Variants in USP8 observed in about 807,000 individuals in gnomAD.
USP8 encodes the protein ubiquitin specific peptidase 8, also known as ubiquitin carboxyl-terminal hydrolase 8.
In USP8, 27 loss-of-function variants were observed where a neutral mutation model predicts 130.0. The observed-to-expected ratio is 0.21, with a 90% CI of 0.15 to 0.29. The LOEUF is 0.29. USP8 is among the 10% of genes least tolerant of loss of function. The pLI is 1.00. For missense variants in USP8, 1,029 were observed against 1,312.2 expected, an observed-to-expected ratio of 0.78 and a Z score of 3.33; for synonymous variants, 392 against 444.1, an observed-to-expected ratio of 0.88 and a Z score of 1.48.
At chr15:50,494,332 A>T in intron 16 of USP8, 52 bp downstream of exon 16, 1 of 1,478,420 alleles carries the variant, frequency 6.8e-7, no homozygotes, top group Non-Finnish European at 9.1e-7. Flanking sequence ...GTTGCTCAGT[A>T]GCACTGTATT....
chr15:50,487,325 A>T (rs1485555941), intron 12 of USP8, among the ~76,000 whole-genome samples: 1 of 152,058 alleles, frequency 6.6e-6, no homozygotes, highest in Non-Finnish European at 1.5e-5. Context: ...AGTGAAACCC[A>T]AAGGAGCTGA....
chr15:50,445,688 A>AAAAATAC (rs2141262007), intron 3 of USP8, among the ~76,000 whole-genome samples: 1 of 151,572 alleles, frequency 6.6e-6, no homozygotes, highest in Non-Finnish European at 1.5e-5. Context: ...CATCTCTACT[A>AAAAATAC]AAAATACGTA....
chr15:50,459,996 C>CCCCTTT (rs567135111), intron 5 of USP8, among the ~76,000 whole-genome samples: 1 of 92,010 alleles, frequency 1.1e-5, no homozygotes, highest in Non-Finnish European at 2.1e-5. Flanking sequence ...CACCCCCCCC[C>CCCCTTT]TTTTTTTTTT....
At chr15:50,496,109 A>ATGAT (rs746762355) in intron 17 of USP8, 25 bp downstream of exon 17, 9 of 1,538,400 alleles carry the variant, frequency 5.9e-6, no homozygotes, top group Middle Eastern at 1.8e-4. Context: ...TAGAGAGAAA[A>ATGAT]TGATTTATTG....
chr15:50,499,784 C>A lies in USP8; in HGVS notation c.*696C>A, dbSNP rs909740054. 6.6e-6 allele frequency: 1 copy of A among 151,882 alleles called. No individual in the cohort carries two copies. 9.4% of individuals were successfully genotyped at this position (151,882 alleles called of 1,614,324 possible). On this transcript the variant is annotated 3_prime_UTR_variant, in exon 20 of 20. Transcript: ENST00000307179. Reference sequence around the variant, plus strand: ...TCTTAATGAGAAAAATAATTTATAACCCTGTGGGTGTTCTGTCTTTAATAT... The same window carrying A: ...TCTTAATGAGAAAAATAATTTATAAACCTGTGGGTGTTCTGTCTTTAATAT...
intron 1 of USP8, among the ~76,000 whole-genome samples, chr15:50,433,564 C>G (rs1482007722): frequency 6.6e-6 from 1 of 152,148 alleles, no homozygotes; most frequent in Non-Finnish European, 1.5e-5. Flanking sequence ...TACTCTTTGT[C>G]TTAGAAAGGA....
chr15:50,473,360 A>T (rs1273422151), intron 8 of USP8, among the ~76,000 whole-genome samples: 1 of 152,182 alleles, frequency 6.6e-6, no homozygotes, highest in African/African-American at 2.4e-5. Context: ...AATAACTAAT[A>T]AAAAGTAAGT....
rs2141316306 is a variant in USP8 at position 50,489,786 on chromosome 15, T to A, written c.1891-15T>A. The A allele has an allele frequency of 6.9e-7, 1 of 1,447,396 alleles. No individual in the cohort carries two copies. 89.7% of individuals were successfully genotyped at this position (1,447,396 alleles called of 1,614,324 possible). On this transcript the variant is annotated splice_polypyrimidine_tract_variant and intron_variant, in intron 12 of 19. Transcript: ENST00000307179. The stretch of plus-strand genomic sequence containing the variant: ...AAAAATTTTTTTTTAATTTTTTTTA[T>A]TTTATTTTAATTAGGCTCAACGAGA...
intron 12 of USP8, among the ~76,000 whole-genome samples, chr15:50,485,095 C>T (rs756687109): frequency 2.0e-5 from 3 of 152,018 alleles, no homozygotes; most frequent in Non-Finnish European, 4.4e-5. Flanking sequence ...AACCAGTGCA[C>T]CTAAAAATGG....
chr15:50,493,331 G>T (rs1414152923), intron 15 of USP8: 3 of 520,490 alleles, frequency 5.8e-6, no homozygotes, highest in African/African-American at 3.8e-5. Flanking sequence ...AAGCATTTTG[G>T]TGTAGGGCTA....
At chr15:50,427,137 C>T (rs1343959831) in intron 1 of USP8, among the ~76,000 whole-genome samples, 1 of 152,048 alleles carries the variant, frequency 6.6e-6, no homozygotes, top group African/African-American at 2.4e-5. Flanking sequence ...TGGGGTTTCA[C>T]CATGTTGGCC....
rs1041607402 is a variant in USP8, at chr15:50,512,650, C to G, written c.*13562C>G. The G allele has an allele frequency of 6.6e-6, 1 of 151,836 alleles. No homozygotes were observed. The highest frequency in any genetic ancestry group is 2.4e-5 in the African/African-American group (1 of 41,320). 9.4% of individuals were successfully genotyped at this position (151,836 alleles called of 1,614,324 possible). Reference sequence around the variant, plus strand: ...ACTAAAAATATTTTTAAAAATTAGCCAGGCATGGTGGTGCACCTGTAATCC... The same window carrying G: ...ACTAAAAATATTTTTAAAAATTAGCGAGGCATGGTGGTGCACCTGTAATCC... On this transcript the variant is annotated 3_prime_UTR_variant, in exon 20 of 20. Transcript: ENST00000307179.
At chr15:50,471,508 A>G in intron 7 of USP8, 125 bp from the exon 8 acceptor site, 1 of 962,422 alleles carries the variant, frequency 1.0e-6, no homozygotes, top group Non-Finnish European at 1.5e-6. Flanking sequence ...CTCACCTTAG[A>G]AAGGAATCTA....
At chr15:50,476,523 A>G (rs11633624) in intron 8 of USP8, among the ~76,000 whole-genome samples, 20,819 of 152,270 alleles carry the variant, frequency 0.14, 1,948 homozygotes, top group Middle Eastern at 0.28. Context: ...AACATCATAA[A>G]GGTTTTATTG....
intron 11 of USP8, among the ~76,000 whole-genome samples, chr15:50,483,565 C>A (rs1377843393): frequency 1.3e-5 from 2 of 152,332 alleles, no homozygotes; most frequent in African/African-American, 4.8e-5. Context: ...GAGGCCTAGA[C>A]GAGCGGATCA....
intron 3 of USP8, among the ~76,000 whole-genome samples, chr15:50,442,650 C>T (rs2050298830): frequency 6.6e-6 from 1 of 152,076 alleles, no homozygotes; most frequent in South Asian, 2.1e-4. Context: ...GAGGCTGAGA[C>T]AGGAGAACCA....
intron 6 of USP8, among the ~76,000 whole-genome samples, chr15:50,464,595 G>A (rs1276190850): frequency 2.0e-5 from 3 of 152,188 alleles, no homozygotes; most frequent in Admixed American, 6.5e-5. Flanking sequence ...GGTGGCTCAC[G>A]CCTGTAATCC....
At chr15:50,458,811 T>C in intron 4 of USP8, among the ~76,000 whole-genome samples, 189 bp from the exon 5 acceptor site, 1 of 152,214 alleles carries the variant, frequency 6.6e-6, no homozygotes, top group Non-Finnish European at 1.5e-5. Context: ...TTCTTTTTAA[T>C]AGTTCTGGGC....
chr15:50,495,777 C>T, intron 16 of USP8, 71 bp from the exon 17 acceptor site: 1 of 1,239,846 alleles, frequency 8.1e-7, no homozygotes, highest in East Asian at 2.5e-5. Flanking sequence ...TGTTTGTATT[C>T]ACTTTTATTC....
Sources: gnomAD v4.1 joint callset for allele counts (sites outside exome capture counted in the v4.1 genomes callset) on GRCh38, gnomAD v4.1.1 for gene constraint, MANE v1.5 for transcripts, NCBI Gene and HGNC (gene_info 2026-07-23, HGNC 2026-07-21) for gene names.